PXN: variants seen among roughly 807,000 people sequenced by gnomAD.
PXN encodes the protein paxillin, also known as testicular tissue protein Li 134.
PXN carries 61 observed loss-of-function variants against 103.6 expected under a neutral mutation model. The ratio of observed to expected loss-of-function variants is 0.59; its 90% CI spans 0.48 to 0.73. The LOEUF is 0.73. Ranked by LOEUF, PXN falls within the 30% of genes least tolerant of loss-of-function variation. PXN has a pLI of 0.00. For synonymous variants in PXN, 562 were observed against 607.8 expected, an observed-to-expected ratio of 0.92 and a Z score of 1.11; for missense variants, 1,274 against 1,460.3, an observed-to-expected ratio of 0.87 and a Z score of 2.08.
At chr12:120,246,369 A>G (rs1049514599) in intron 1 of PXN, among the ~76,000 whole-genome samples, 7 of 151,898 alleles carry the variant, frequency 4.6e-5, no homozygotes, top group African/African-American at 1.7e-4. Context: ...TCTACTAAAA[A>G]TACAAAAATT....
intron 1 of PXN, among the ~76,000 whole-genome samples, chr12:120,254,063 TAG>T (rs1566434074): frequency 6.6e-6 from 1 of 152,036 alleles, no homozygotes; most frequent in African/African-American, 2.4e-5. Flanking sequence ...ATATTTTTGG[TAG>T]AGAGGGTTTC....
intron 1 of PXN, among the ~76,000 whole-genome samples, chr12:120,227,373 C>T (rs1004578833): frequency 2.6e-5 from 4 of 152,008 alleles, no homozygotes; most frequent in East Asian, 1.9e-4. Flanking sequence ...TGGTGATATG[C>T]GCCTGTAGTC....
intron 1 of PXN, among the ~76,000 whole-genome samples, chr12:120,263,301 C>T (rs1894162353): frequency 6.6e-6 from 1 of 152,220 alleles, no homozygotes; most frequent in African/African-American, 2.4e-5. Context: ...CCCATTCCTC[C>T]CACCCCAGGC....
At position 120,219,299 on chromosome 12, in the gene PXN, C is replaced by T. The variant is rs1372537727; in HGVS notation, c.1624G>A (p.Ala542Thr). The T allele has an allele frequency of 6.3e-7, 1 of 1,598,462 alleles. No homozygotes were observed. The highest frequency in any genetic ancestry group is 8.5e-7 in the Non-Finnish European group (1 of 1,179,810). Residue 542 changes from alanine (A) to threonine (T), a missense_variant, in exon 7 of 15, where the codon GCC (alanine) becomes ACC (threonine). Physicochemically the swap from Ala to Thr is moderately conservative, Grantham distance 58. Around this residue, in one of 2 missense-constraint regions of PXN, gnomAD observed 1,178 missense variants for 1,309.0 expected, o/e 0.90. Transcript: ENST00000637617. The surrounding 1 kb of genome is among the most constrained non-coding windows in gnomAD (Gnocchi z 6.5). ...PRSPEGTTEA[A>T]TQDGKEQPEL... is the part of the protein sequence containing the mutation. Reference sequence around the variant, plus strand: ...GGCTGTTCCTTCCCGTCCTGGGTGGCAGCTTCCGTGGTGCCCTCTGGGCTC... The same window carrying T: ...GGCTGTTCCTTCCCGTCCTGGGTGGTAGCTTCCGTGGTGCCCTCTGGGCTC...
intron 1 of PXN, among the ~76,000 whole-genome samples, chr12:120,257,611 T>C (rs1478411178): frequency 1.3e-5 from 2 of 152,176 alleles, no homozygotes; most frequent in Admixed American, 6.5e-5. Context: ...AATCCAGCTA[T>C]TTCCCCAAAA....
intron 3 of PXN, 145 bp from the exon 4 acceptor site, chr12:120,223,144 G>A: frequency 8.6e-6 from 12 of 1,393,336 alleles, no homozygotes; most frequent in Middle Eastern, 2.4e-4. Flanking sequence ...GAAGGGATGT[G>A]GTAAGAAGAG....
chr12:120,263,227 G>GC (rs1472640033), intron 1 of PXN, among the ~76,000 whole-genome samples: 1 of 151,834 alleles, frequency 6.6e-6, no homozygotes, highest in Non-Finnish European at 1.5e-5. Context: ...AGTGTGCTGA[G>GC]CCGCCATCCA....
intron 1 of PXN, among the ~76,000 whole-genome samples, chr12:120,253,487 AG>A (rs1327057116): frequency 2.6e-5 from 4 of 152,178 alleles, no homozygotes; most frequent in Non-Finnish European, 5.9e-5. Context: ...AAGAAAAAAA[AG>A]AAAAAGAAAA....
chr12:120,232,275 C>A (rs1888203631), intron 1 of PXN, among the ~76,000 whole-genome samples: 1 of 152,206 alleles, frequency 6.6e-6, no homozygotes, highest in East Asian at 1.9e-4. Context: ...CCTGCCTGGG[C>A]CTTCCCAAAG....
At chr12:120,236,476 C>CTT (rs1051367345) in intron 1 of PXN, among the ~76,000 whole-genome samples, 69 of 130,676 alleles carry the variant, frequency 5.3e-4, no homozygotes, top group African/African-American at 1.3e-3. Context: ...CCCAGATGAT[C>CTT]TTTTTTTTTT....
rs148382068 is a variant in PXN, at chr12:120,213,367, G to A, written c.2979+475C>T. 2.3e-3 allele frequency among the ~76,000 whole-genome samples: 349 copies of A among 151,740 alleles called. 1 individual carries two copies. Among genetic ancestry groups the A allele is most frequent in the African/African-American group, 8.0e-3 (330 of 41,456 alleles). On this transcript the variant is annotated intron_variant, in intron 14 of 14. Transcript: ENST00000637617. This position sits in a 1 kb window ranked among gnomAD's most constrained non-coding sequence, Gnocchi z 4.2. ...TGCACACCAGTCTGGGCAACAGAGTGAGACTCCGTCTCAAAAAAAGAAAAG... is the reference window on the plus strand; with the variant it reads ...TGCACACCAGTCTGGGCAACAGAGTAAGACTCCGTCTCAAAAAAAGAAAAG...
rs974425696 is a variant in PXN at position 120,220,266 on chromosome 12, T to C, written c.832-175A>G. Among the ~76,000 whole-genome samples the C allele has an allele frequency of 3.9e-5, 6 of 152,046 alleles. No individual in the cohort carries two copies. The highest frequency in any genetic ancestry group is 3.9e-4 in the Admixed American group (6 of 15,284). ...GACCCCAAAAAAGCTTCCCTGGGCT[T>C]TGCGTGCTTAGCCCTCACCAAACCC... On this transcript the variant is annotated intron_variant, in intron 6 of 14. Transcript: ENST00000637617. The surrounding 1 kb of genome is among the most constrained non-coding windows in gnomAD (Gnocchi z 6.1).
At chr12:120,251,686 G>C (rs572387746) in intron 1 of PXN, among the ~76,000 whole-genome samples, 1 of 151,572 alleles carries the variant, frequency 6.6e-6, no homozygotes, top group African/African-American at 2.4e-5. Context: ...GCGTGGTCGT[G>C]GGCGCCTGTA....
chr12:120,226,347 C>T (rs538220867), intron 1 of PXN: 2 of 1,289,118 alleles, frequency 1.6e-6, no homozygotes, highest in African/African-American at 1.5e-5. Flanking sequence ...GGGCCAGGAG[C>T]TTCACCTTTG....
intron 1 of PXN, among the ~76,000 whole-genome samples, chr12:120,237,039 C>T (rs960687795): frequency 1.3e-5 from 2 of 151,802 alleles, no homozygotes; most frequent in East Asian, 1.9e-4. Flanking sequence ...TGGGCTCAAG[C>T]GATCCTCCTG....
At chr12:120,264,024 G>A (rs1262073589) in intron 1 of PXN, among the ~76,000 whole-genome samples, 2 of 151,136 alleles carry the variant, frequency 1.3e-5, no homozygotes, top group Non-Finnish European at 3.0e-5. Context: ...CTATTTTTAT[G>A]TGAAAAAAAA....
chr12:120,212,355 TGTC>T lies in PXN; in HGVS notation c.3202_3204del (p.Asp1068del). ...AGGAAGCAGTTCTGACAGTAAGGCT[TGTC>T]GTTCTGCTCCTTGAAGGTGCCCTTG... On this transcript the variant is annotated inframe_deletion, in exon 15 of 15. Coordinates refer to ENST00000637617, the MANE Select transcript of PXN (RefSeq NM_001385981.1). This position sits in a 1 kb window ranked among gnomAD's most constrained non-coding sequence, Gnocchi z 7.2. 1 of 1,613,944 alleles carries T rather than the reference TGTC, an allele frequency of 6.2e-7. No individual in the cohort carries two copies. The highest frequency in any genetic ancestry group is 8.5e-7 in the Non-Finnish European group (1 of 1,179,880).
intron 1 of PXN, among the ~76,000 whole-genome samples, chr12:120,237,926 T>C (rs1457074159): frequency 6.6e-6 from 1 of 152,122 alleles, no homozygotes; most frequent in African/African-American, 2.4e-5. Context: ...GGCACAATCA[T>C]AGGCAGCAGG....
chr12:120,215,054 C>T lies in PXN; in HGVS notation c.2574+49G>A, dbSNP rs553160417. ...CAAGGCCAGCCCCGGAGCACCCCCA[C>T]CCCTGCAGGAGTCCACTGGCCACAC... is the stretch of plus-strand genomic sequence containing the variant. On this transcript the variant is annotated intron_variant, in intron 11 of 14. Transcript: ENST00000637617. The surrounding 1 kb of genome is among the most constrained non-coding windows in gnomAD (Gnocchi z 4.9). 1.2e-6 allele frequency: 2 copies of T among 1,601,148 alleles called. No individual in the cohort carries two copies. The highest frequency in any genetic ancestry group is 1.1e-5 in the South Asian group (1 of 89,284).
Sources: gnomAD v4.1 joint callset for allele counts (sites outside exome capture counted in the v4.1 genomes callset) on GRCh38, gnomAD v4.1.1 for gene constraint, gnomAD v4.1.1 regional missense constraint, Gnocchi (gnomAD v3.1) non-coding constraint, MANE v1.5 for transcripts, NCBI Gene and HGNC (gene_info 2026-07-23, HGNC 2026-07-21) for gene names.